DPYD: variants seen among roughly 807,000 people sequenced by gnomAD.
DPYD encodes dihydropyrimidine dehydrogenase [NADP(+)].
A neutral mutation model predicts 116.2 loss-of-function variants in DPYD; 109 were observed. That is an observed-to-expected ratio of 0.94 (90% CI 0.80 to 1.10). The LOEUF (loss-of-function observed/expected upper bound fraction) is 1.10. DPYD is among the 50% of genes least tolerant of loss of function. DPYD has a pLI of 0.00. For synonymous variants in DPYD, 440 were observed against 432.0 expected (o/e 1.02, Z -0.23); for missense variants, 1,302 against 1,254.5 (o/e 1.04, Z -0.57).
intron 8 of DPYD, among the ~76,000 whole-genome samples, chr1:97,669,572 C>A (rs1453426975): frequency 6.6e-6 from 1 of 152,144 alleles, no homozygotes; most frequent in African/African-American, 2.4e-5. Flanking sequence ...ATATTTAATG[C>A]AGTCCCTTAA....
At position 97,193,126 on chromosome 1, in the gene DPYD, A is replaced by T. The variant is rs1470270153; in HGVS notation, c.2565T>A (p.Ala855=). 6.2e-7 allele frequency: 1 copy of T among 1,613,968 alleles called. No individual in the cohort carries two copies. Among genetic ancestry groups the T allele is most frequent in the Non-Finnish European group, 8.5e-7 (1 of 1,179,978 alleles). Residue 855 remains alanine, a synonymous_variant, in exon 20 of 23, where the codon GCT becomes GCA. Transcript: ENST00000370192. ...GTTTCCCTTTCTGGTGACTCACAGT[A>T]GCTGGACTCTGTCCATCCCAGTCTT... ...ELQDWDGQSP[A]TVSHQKGKPV...
At chr1:97,145,147 C>T (rs1181213162) in intron 20 of DPYD, among the ~76,000 whole-genome samples, 4 of 152,096 alleles carry the variant, frequency 2.6e-5, no homozygotes, top group African/African-American at 7.2e-5. Flanking sequence ...TCTCTATGTT[C>T]GGTTGTCATT....
intron 3 of DPYD, among the ~76,000 whole-genome samples, chr1:97,807,717 C>T (rs1668139906): frequency 6.6e-6 from 1 of 152,076 alleles, no homozygotes; most frequent in Admixed American, 6.6e-5. Context: ...ATCACCAAAT[C>T]CAATAACATC....
chr1:97,325,883 A>C (rs1024201433), intron 16 of DPYD, among the ~76,000 whole-genome samples: 4 of 151,932 alleles, frequency 2.6e-5, no homozygotes, highest in African/African-American at 9.7e-5. Context: ...GGGAGGAGAC[A>C]TGTCCACATG....
At chr1:97,319,350 A>C (rs1668086127) in intron 16 of DPYD, among the ~76,000 whole-genome samples, 1 of 144,966 alleles carries the variant, frequency 6.9e-6, no homozygotes, top group African/African-American at 2.5e-5. Flanking sequence ...CTAATAAAGA[A>C]AAAAAGAGAG....
chr1:97,580,880 AC>A (rs763106891), intron 10 of DPYD, among the ~76,000 whole-genome samples: 1 of 151,954 alleles, frequency 6.6e-6, no homozygotes, highest in African/African-American at 2.4e-5. Context: ...CTAACCCGCA[AC>A]CTACTCCTTG....
chr1:97,785,535 C>T (rs1269311299), intron 3 of DPYD, among the ~76,000 whole-genome samples: 1 of 152,074 alleles, frequency 6.6e-6, no homozygotes, highest in South Asian at 2.1e-4. Flanking sequence ...GTCTTCAATG[C>T]CGTATGTTTT....
intron 13 of DPYD, among the ~76,000 whole-genome samples, chr1:97,496,021 T>C (rs1208671356): frequency 3.3e-5 from 5 of 152,138 alleles, no homozygotes; most frequent in Admixed American, 2.6e-4. Flanking sequence ...TGAAAGGTCC[T>C]GCTTCAGTAA....
intron 13 of DPYD, among the ~76,000 whole-genome samples, chr1:97,492,497 T>A (rs184324005): frequency 6.6e-6 from 1 of 152,296 alleles, no homozygotes; most frequent in East Asian, 1.9e-4. Context: ...CACCCTTGCA[T>A]GCTTTATTAC....
At chr1:97,895,939 G>C (rs1673040999) in intron 1 of DPYD, among the ~76,000 whole-genome samples, 1 of 151,620 alleles carries the variant, frequency 6.6e-6, no homozygotes, top group African/African-American at 2.4e-5. Context: ...TCCAATTTAA[G>C]AGAACAAATA....
chr1:97,781,163 G>C (rs1200039150), intron 3 of DPYD, among the ~76,000 whole-genome samples: 2 of 152,148 alleles, frequency 1.3e-5, no homozygotes, highest in Non-Finnish European at 2.9e-5. Flanking sequence ...CTTCATTATA[G>C]AGTTCTATTT....
intron 20 of DPYD, among the ~76,000 whole-genome samples, chr1:97,122,363 G>T (rs1652515333): frequency 6.6e-6 from 1 of 151,992 alleles, no homozygotes; most frequent in Non-Finnish European, 1.5e-5. Context: ...ATGGGGCTAG[G>T]GATAAATATG....
intron 14 of DPYD, among the ~76,000 whole-genome samples, chr1:97,391,204 A>G (rs1672684631): frequency 1.3e-5 from 2 of 151,966 alleles, no homozygotes; most frequent in Admixed American, 6.6e-5. Context: ...CTATTAATAC[A>G]TGCAGAAAAT....
At chr1:97,130,716 CTCTT>C (rs756349212) in intron 20 of DPYD, among the ~76,000 whole-genome samples, 1,822 of 130,948 alleles carry the variant, frequency 0.014, 27 homozygotes, top group South Asian at 0.016. Flanking sequence ...CTCTCCCTCT[CTCTT>C]TCTTTCTTTC....
At position 97,475,891 on chromosome 1, in the gene DPYD, C is replaced by T. The variant is rs1251371379; in HGVS notation, c.1741-25668G>A. On this transcript the variant is annotated intron_variant, in intron 13 of 22. Coordinates refer to ENST00000370192, the MANE Select transcript of DPYD (RefSeq NM_000110.4). ...TACCTGATCCAAGATAAATCAGAGTCCTGCTGAGGTTACACTCTACTCACT... is the reference window on the plus strand; with the variant it reads ...TACCTGATCCAAGATAAATCAGAGTTCTGCTGAGGTTACACTCTACTCACT... Among the ~76,000 whole-genome samples, 3 of 152,136 alleles carry T rather than the reference C, an allele frequency of 2.0e-5. No homozygotes were observed. The East Asian group carries it at 5.8e-4, about 29-fold the overall frequency.
intron 16 of DPYD, among the ~76,000 whole-genome samples, chr1:97,323,415 CGTATATATACATAT>C (rs1668467146): frequency 1.2e-5 from 1 of 85,864 alleles, no homozygotes; most frequent in Non-Finnish European, 2.7e-5. Context: ...TATATGTACA[CGTATATATACATAT>C]GTGTATATGT....
intron 20 of DPYD, among the ~76,000 whole-genome samples, chr1:97,099,836 G>A (rs534834144): frequency 1.2e-4 from 18 of 152,004 alleles, no homozygotes; most frequent in South Asian, 8.3e-4. Context: ...CAGTAGAGTA[G>A]GTAAGCTAAA....
chr1:97,230,547 G>T (rs1160346918), intron 19 of DPYD, among the ~76,000 whole-genome samples: 1 of 151,952 alleles, frequency 6.6e-6, no homozygotes, highest in Non-Finnish European at 1.5e-5. Flanking sequence ...TTAATACTTG[G>T]GTGATAAAAT....
At chr1:97,498,945 G>T (rs1679423765) in intron 13 of DPYD, among the ~76,000 whole-genome samples, 1 of 151,560 alleles carries the variant, frequency 6.6e-6, no homozygotes, top group Non-Finnish European at 1.5e-5. Flanking sequence ...GATTTATAAA[G>T]AGTTCTTCTC....
Sources: allele counts gnomAD v4.1 joint callset (sites outside exome capture counted in the v4.1 genomes callset), GRCh38; gene constraint gnomAD v4.1.1; transcripts MANE v1.5; gene names NCBI Gene and HGNC (gene_info 2026-07-23, HGNC 2026-07-21).